The following GNL3 variants were observed in gnomAD, a reference collection of about 807,000 sequenced individuals.
GNL3 encodes G protein nucleolar 3.
Under a neutral mutation model 70.6 loss-of-function variants are expected in GNL3, and 77 were observed. The observed-to-expected ratio is 1.09, with a 90% CI of 0.91 to 1.32. The LOEUF is 1.32. Ranked by LOEUF, GNL3 falls within the 40% of genes most tolerant of loss-of-function variation. The pLI, the probability that GNL3 is intolerant of heterozygous loss-of-function variation, is 0.00. For missense variants in GNL3, 634 were observed against 644.0 expected (o/e 0.98, Z 0.17); for synonymous variants, 252 against 216.1 (o/e 1.17, Z -1.46).
chr3:52,686,303 T>A, intron 1 of GNL3, 198 bp downstream of exon 1: 1 of 623,690 alleles, frequency 1.6e-6, no homozygotes. Context: ...GCGGGCTCAT[T>A]CTGCGGAACG....
chr3:52,693,721 G>C lies in GNL3; in HGVS notation c.1414G>C (p.Glu472Gln), dbSNP rs1267532130. 1 of 1,613,954 alleles carries C rather than the reference G, an allele frequency of 6.2e-7. No individual in the cohort carries two copies. The highest frequency in any genetic ancestry group is 8.5e-7 in the Non-Finnish European group (1 of 1,179,928). Residue 472 changes from glutamate (E) to glutamine (Q), a missense_variant, in exon 13 of 15, where the codon GAA becomes CAA. By Grantham distance (29) the Glu-to-Gln change is conservative. Transcript: ENST00000418458. ...AATAGAAGAAAAGGACATACATGAAGAATTGCCAAAACGGAAAGAAAGGAA... is the reference window on the plus strand; with the variant it reads ...AATAGAAGAAAAGGACATACATGAACAATTGCCAAAACGGAAAGAAAGGAA... ...GIIEEKDIHE[E>Q]LPKRKERKQE...
At position 52,693,628 on chromosome 3, in the gene GNL3, C is replaced by T; in HGVS notation, c.1325-4C>T. 6.2e-7 allele frequency: 1 copy of T among 1,613,746 alleles called. No individual in the cohort carries two copies. The highest frequency in any genetic ancestry group is 8.5e-7 in the Non-Finnish European group (1 of 1,179,796). On this transcript the variant is annotated splice_region_variant and splice_polypyrimidine_tract_variant and intron_variant, in intron 12 of 14. Transcript: ENST00000418458. The stretch of plus-strand genomic sequence containing the variant: ...TGTTTACATGGGCTTGCTTTCTTTC[C>T]CAGCCATCAAGGGCCCTCATTTGGC...
At chr3:52,690,858 G>A in intron 7 of GNL3, 87 bp from the exon 8 acceptor site, 2 of 1,366,648 alleles carry the variant, frequency 1.5e-6, no homozygotes, top group South Asian at 2.4e-5. Context: ...GTTATCTTAA[G>A]AGCTGGGCTC....
Position 52,689,225 on chromosome 3 carries a change from C to CT in GNL3, c.541+22dup. 1 of 1,608,168 alleles carries CT rather than the reference C, an allele frequency of 6.2e-7. No individual in the cohort carries two copies. The highest frequency in any genetic ancestry group is 2.2e-5 in the East Asian group (1 of 44,830). On this transcript the variant is annotated intron_variant, in intron 6 of 14. Transcript: ENST00000418458. The stretch of plus-strand genomic sequence containing the variant: ...AAATCAGGTGAGTAAAGAGGGTACC[C>CT]TTTGTCTTCTGTGTACATGGGTGAG...
rs1561236579 is a variant in GNL3, at chr3:52,686,111, T to TG, written c.13+10dup. 6 of 1,558,870 alleles carry TG rather than the reference T, an allele frequency of 3.8e-6. No individual in the cohort carries two copies. The African/African-American group carries it at 6.8e-5, about 18-fold the overall frequency. ...AGCCAATATGAAAAGGCCTAGTAAG[T>TG]GGGGTCGGGAGGCGGGCGTGGAGGG... On this transcript the variant is annotated splice_region_variant and intron_variant, in intron 1 of 14. Coordinates refer to ENST00000418458, the MANE Select transcript of GNL3 (RefSeq NM_014366.5).
chr3:52,690,557 C>A, intron 6 of GNL3, 35 bp from the exon 7 acceptor site: 1 of 1,267,942 alleles, frequency 7.9e-7, no homozygotes, highest in Non-Finnish European at 1.2e-6. Flanking sequence ...GCCACCGTGC[C>A]TGGCCGCAAA....
chr3:52,686,149 A>C (rs372215490), intron 1 of GNL3, 44 bp downstream of exon 1: 16 of 1,588,896 alleles, frequency 1.0e-5, no homozygotes, highest in Non-Finnish European at 1.4e-5. Flanking sequence ...CCACGTCTGG[A>C]AGTTGCTGCA....
Position 52,688,829 on chromosome 3 carries a change from A to G in GNL3, c.409-245A>G, listed in dbSNP as rs1578574031. 10 of 515,018 alleles carry G rather than the reference A, an allele frequency of 1.9e-5. No individual in the cohort carries two copies. In the East Asian group the frequency reaches 3.2e-4, roughly 16 times the overall value. 31.9% of individuals were successfully genotyped at this position (515,018 alleles called of 1,614,324 possible). A position where few individuals can be genotyped will look rare whatever the true frequency, so the allele number is the denominator to read the frequency against. The stretch of plus-strand genomic sequence containing the variant: ...GGAGGATTCAGACAGGGATATTTGC[A>G]TTTTTGAAATCCATCTTGATCAGAG... On this transcript the variant is annotated intron_variant, in intron 5 of 14. Transcript: ENST00000418458.
chr3:52,694,058 G>T lies in GNL3; in HGVS notation c.1522G>T (p.Ala508Ser). ...ACAGGAAAACAGCTCAGGCATGTTT[G>T]CTGCAGAAGAGACAGGGGAGGCACT... ...EVDENSSGMFAAEETGEALSE... is the reference protein window; with the variant it reads ...EVDENSSGMFSAEETGEALSE... Residue 508 changes from alanine (A) to serine (S), a missense_variant, in exon 14 of 15, where the codon GCT (alanine) becomes TCT (serine). By Grantham distance (99) the Ala-to-Ser change is moderately conservative (BLOSUM62 1). Transcript: ENST00000418458. The T allele has an allele frequency of 6.2e-7, 1 of 1,613,992 alleles. No individual in the cohort carries two copies. The highest frequency in any genetic ancestry group is 8.5e-7 in the Non-Finnish European group (1 of 1,179,832).
intron 6 of GNL3, among the ~76,000 whole-genome samples, chr3:52,689,774 G>A (rs141474251): frequency 6.6e-6 from 1 of 152,214 alleles, no homozygotes; most frequent in Admixed American, 6.5e-5. Flanking sequence ...CCAACACGGC[G>A]AAACCCCATC....
At position 52,690,587 on chromosome 3, in the gene GNL3, A is replaced by G. The variant is rs751038092; in HGVS notation, c.542-5A>G. The stretch of plus-strand genomic sequence containing the variant: ...CGCAAATGTCTTATTTCTAATTGCT[A>G]TCAGATCTGGTACCAAAGGAGAATT... On this transcript the variant is annotated splice_polypyrimidine_tract_variant and splice_region_variant and intron_variant, in intron 6 of 14. Coordinates refer to ENST00000418458, the MANE Select transcript of GNL3 (RefSeq NM_014366.5). 3.3e-6 allele frequency: 5 copies of G among 1,504,734 alleles called. No homozygotes were observed. Among genetic ancestry groups the G allele is most frequent in the South Asian group, 1.1e-5 (1 of 88,786 alleles). 93.2% of individuals were successfully genotyped at this position (1,504,734 alleles called of 1,614,324 possible). A position where few individuals can be genotyped will look rare whatever the true frequency, so the allele number is the denominator to read the frequency against.
Position 52,690,697 on chromosome 3 carries a change from T to A in GNL3, c.647T>A (p.Ile216Lys), listed in dbSNP as rs34296002. ...ACAAAACCAAAGGATAAAGGGAAGA[T>A]AACCAAGGTATCCTTTATTAGTGGT... ...ASTKPKDKGK[I>K]TKRVKAKKNA... The change falls in exon 7 of 15, where the codon ATA becomes AAA. Residue 216 changes from isoleucine (I) to lysine (K), a missense_variant. Physicochemically the swap from Ile to Lys is moderately radical, Grantham distance 102. Coordinates refer to ENST00000418458, the MANE Select transcript of GNL3 (RefSeq NM_014366.5). The A allele has an allele frequency of 2.0e-3, 3,012 of 1,540,556 alleles. 53 individuals are homozygous for A. The African/African-American group carries it at 0.037, about 19-fold the overall frequency.
chr3:52,687,766 G>A (rs774155922), intron 4 of GNL3, 151 bp downstream of exon 4: 16 of 617,074 alleles, frequency 2.6e-5, no homozygotes, highest in Non-Finnish European at 4.4e-5. Flanking sequence ...CAAGTAGCTG[G>A]GACTACAGAA....
In GNL3 at chr3:52,688,132, G is replaced by T; in HGVS notation, c.348G>T (p.Glu116Asp). The T allele has an allele frequency of 6.2e-7, 1 of 1,610,704 alleles. No individual in the cohort carries two copies. The highest frequency in any genetic ancestry group is 8.5e-7 in the Non-Finnish European group (1 of 1,176,840). Residue 116 changes from glutamate to aspartate, a missense_variant, in exon 5 of 15, where the codon GAG (glutamate) becomes GAT (aspartate). Transcript: ENST00000418458. ...MEKEFGLCKTENKAKSGKQNS... is the reference protein window; with the variant it reads ...MEKEFGLCKTDNKAKSGKQNS... ...AGGAGTTTGGGCTTTGCAAAACTGAGAACAAAGCCAAGTCGGGCAAACAGA... is the reference window on the plus strand; with the variant it reads ...AGGAGTTTGGGCTTTGCAAAACTGATAACAAAGCCAAGTCGGGCAAACAGA...
In GNL3 at chr3:52,689,074, G is replaced by A; in HGVS notation, c.409G>A (p.Val137Met). The A allele has an allele frequency of 6.2e-7, 1 of 1,612,438 alleles. No homozygotes were observed. The highest frequency in any genetic ancestry group is 1.1e-5 in the South Asian group (1 of 90,954). ...KKLYCQELKK[V>M]IEASDVVLEV... The stretch of plus-strand genomic sequence containing the variant: ...GTTCTGGTCATTTTTTCCTTGATAG[G>A]TGATTGAAGCCTCCGATGTTGTCCT... The change falls in exon 6 of 15, where the codon GTG (valine) becomes ATG (methionine). Residue 137 changes from valine to methionine, a missense_variant and splice_region_variant. Coordinates refer to ENST00000418458, the MANE Select transcript of GNL3 (RefSeq NM_014366.5).
chr3:52,690,554 T>C (rs2154099588), intron 6 of GNL3, 38 bp from the exon 7 acceptor site: 1 of 1,201,100 alleles, frequency 8.3e-7, no homozygotes, highest in East Asian at 2.3e-5. Context: ...TGAGCCACCG[T>C]GCCTGGCCGC....
rs570483342 is a variant in GNL3 at position 52,686,766 on chromosome 3, T to C, written c.14-3T>C. ...AACAGATTTGTGATGTGTTTCTTTG[T>C]AGAGTTAAAGAAAGCAAGTAAACGC... On this transcript the variant is annotated splice_region_variant and splice_polypyrimidine_tract_variant and intron_variant, in intron 1 of 14. Coordinates refer to ENST00000418458, the MANE Select transcript of GNL3 (RefSeq NM_014366.5). The C allele has an allele frequency of 1.9e-6, 3 of 1,605,476 alleles. No individual in the cohort carries two copies. Among genetic ancestry groups the C allele is most frequent in the East Asian group, 2.2e-5 (1 of 44,842 alleles).
rs772977014 is a variant in GNL3, at chr3:52,690,714, A to AT, written c.654+12dup. ...AGGGAAGATAACCAAGGTATCCTTT[A>AT]TTAGTGGTAAGAAATGTGATTCTTT... is the stretch of plus-strand genomic sequence containing the variant. On this transcript the variant is annotated intron_variant, in intron 7 of 14. Transcript: ENST00000418458. The AT allele has an allele frequency of 4.9e-6, 7 of 1,420,766 alleles. No homozygotes were observed. The highest frequency in any genetic ancestry group is 1.2e-5 in the South Asian group (1 of 86,440). 88.0% of individuals were successfully genotyped at this position (1,420,766 alleles called of 1,614,324 possible). A position where few individuals can be genotyped will look rare whatever the true frequency, so the allele number is the denominator to read the frequency against.
rs2097328779 is a variant in GNL3, at chr3:52,692,930, A to C, written c.928A>C (p.Ile310Leu). The change falls in exon 10 of 15, where the codon ATC becomes CTC. Residue 310 changes from isoleucine (I) to leucine (L), a missense_variant. By Grantham distance (5) the Ile-to-Leu change is conservative. Coordinates refer to ENST00000418458, the MANE Select transcript of GNL3 (RefSeq NM_014366.5). ...CACAATCATAGATAGTCCGAGCTTCATCGTATCTCCACTTAATTCCTCCTC... is the reference window on the plus strand; with the variant it reads ...CACAATCATAGATAGTCCGAGCTTCCTCGTATCTCCACTTAATTCCTCCTC... ...QITIIDSPSF[I>L]VSPLNSSSAL... 1.2e-6 allele frequency: 2 copies of C among 1,613,466 alleles called. No homozygotes were observed. Among genetic ancestry groups the C allele is most frequent in the Non-Finnish European group, 1.7e-6 (2 of 1,179,502 alleles).
Sources: allele counts gnomAD v4.1 joint callset (sites outside exome capture counted in the v4.1 genomes callset), GRCh38; gene constraint gnomAD v4.1.1; transcripts MANE v1.5; gene names NCBI Gene and HGNC (gene_info 2026-07-23, HGNC 2026-07-21).